The following UTRN variants were observed in gnomAD, a reference collection of about 807,000 sequenced individuals.
UTRN encodes the protein utrophin.
UTRN carries 283 observed loss-of-function variants against 463.9 expected under a neutral mutation model. That is an observed-to-expected ratio of 0.61 (90% confidence interval 0.55 to 0.67). The LOEUF is 0.67. Ranked by LOEUF, UTRN falls within the 30% of genes least tolerant of loss-of-function variation. The probability of loss-of-function intolerance (pLI) is 0.00; values close to 1 mark genes in which losing one functional copy is unlikely to be tolerated. For missense variants in UTRN, 3,922 were observed against 4,084.3 expected (o/e 0.96, Z 1.08); for synonymous variants, 1,442 against 1,431.5 (o/e 1.01, Z -0.17).
chr6:144,354,434 A>T (rs1778377632), intron 2 of UTRN, among the ~76,000 whole-genome samples: 1 of 152,224 alleles, frequency 6.6e-6, no homozygotes, highest in African/African-American at 2.4e-5. Flanking sequence ...TCTGTGCTGC[A>T]GCATCCAACC....
intron 50 of UTRN, among the ~76,000 whole-genome samples, chr6:144,563,193 T>A (rs948357739): frequency 1.3e-5 from 2 of 152,202 alleles, no homozygotes; most frequent in African/African-American, 4.8e-5. Context: ...ATATTGTGTA[T>A]AGTAAAGACT....
At chr6:144,637,471 G>A (rs757683235) in intron 51 of UTRN, among the ~76,000 whole-genome samples, 10 of 151,610 alleles carry the variant, frequency 6.6e-5, no homozygotes, top group African/African-American at 1.9e-4. Flanking sequence ...AATAATGCAC[G>A]TTTCTTGAAA....
At chr6:144,676,212 A>T (rs1219837923) in intron 51 of UTRN, among the ~76,000 whole-genome samples, 1 of 152,104 alleles carries the variant, frequency 6.6e-6, no homozygotes, top group Non-Finnish European at 1.5e-5. Context: ...AGGGAGACTG[A>T]CTTTCTTTGT....
chr6:144,597,744 A>G (rs1045015557), intron 51 of UTRN, among the ~76,000 whole-genome samples: 4 of 152,244 alleles, frequency 2.6e-5, no homozygotes, highest in Non-Finnish European at 5.9e-5. Flanking sequence ...TTTACTCATA[A>G]TAAGTCAATG....
At chr6:144,425,543 T>C (rs543791957) in intron 6 of UTRN, among the ~76,000 whole-genome samples, 2 of 152,344 alleles carry the variant, frequency 1.3e-5, no homozygotes, top group Non-Finnish European at 2.9e-5. Context: ...CTAATTTCAT[T>C]AATCCTTCTA....
At chr6:144,639,644 C>T (rs151179973) in intron 51 of UTRN, among the ~76,000 whole-genome samples, 1 of 152,192 alleles carries the variant, frequency 6.6e-6, no homozygotes, top group Admixed American at 6.5e-5. Context: ...TTCCTTTCCA[C>T]ACCCGATCAA....
intron 3 of UTRN, among the ~76,000 whole-genome samples, chr6:144,404,611 T>TG: frequency 6.6e-6 from 1 of 152,348 alleles, no homozygotes; most frequent in Non-Finnish European, 1.5e-5. Flanking sequence ...ATTTAGTCTT[T>TG]GGGGAAGAAT....
chr6:144,522,281 G>T, intron 40 of UTRN, 110 bp downstream of exon 40: 1 of 860,460 alleles, frequency 1.2e-6, no homozygotes, highest in Non-Finnish European at 1.6e-6. Context: ...ATTTGTGCCA[G>T]GGGATTAATA....
chr6:144,380,056 GAATA>G (rs1447916933), intron 2 of UTRN, among the ~76,000 whole-genome samples: 11 of 152,130 alleles, frequency 7.2e-5, no homozygotes, highest in Non-Finnish European at 1.5e-4. Flanking sequence ...AATGAAGAAT[GAATA>G]AATAAATGTC....
intron 61 of UTRN, among the ~76,000 whole-genome samples, chr6:144,786,711 G>T (rs982916011): frequency 6.6e-6 from 1 of 151,936 alleles, no homozygotes; most frequent in Non-Finnish European, 1.5e-5. Context: ...TCTGATTTTG[G>T]GTTTATCTTC....
At chr6:144,522,962 T>A (rs966888387) in intron 40 of UTRN, 54 bp from the exon 41 acceptor site, 61 of 1,328,302 alleles carry the variant, frequency 4.6e-5, no homozygotes, top group Non-Finnish European at 6.0e-5. Context: ...CATCTGTGAT[T>A]CCTTTTTTTG....
intron 3 of UTRN, 106 bp from the exon 4 acceptor site, chr6:144,421,772 C>A: frequency 1.5e-6 from 1 of 669,170 alleles, no homozygotes; most frequent in Non-Finnish European, 2.3e-6. Flanking sequence ...TCATCCACAA[C>A]ATTTTAATTG....
intron 52 of UTRN, among the ~76,000 whole-genome samples, chr6:144,686,675 G>A (rs937499098): frequency 6.6e-6 from 1 of 151,570 alleles, no homozygotes; most frequent in African/African-American, 2.4e-5. Flanking sequence ...AACTGTTGTT[G>A]CTTTTAAAGT....
At chr6:144,539,166 GTTTAT>G (rs1337214627) in intron 44 of UTRN, 123 bp from the exon 45 acceptor site, 1 of 1,092,672 alleles carries the variant, frequency 9.2e-7, no homozygotes, top group Non-Finnish European at 1.3e-6. Context: ...CTTCTTATAA[GTTTAT>G]TTTTTCACTT....
chr6:144,401,511 G>T (rs1269983484), intron 2 of UTRN, among the ~76,000 whole-genome samples: 1 of 152,084 alleles, frequency 6.6e-6, no homozygotes, highest in Non-Finnish European at 1.5e-5. Flanking sequence ...CTTGAAATAG[G>T]GATCGTTGCT....
At chr6:144,746,263 A>G (rs1209132182) in intron 54 of UTRN, among the ~76,000 whole-genome samples, 1 of 151,954 alleles carries the variant, frequency 6.6e-6, no homozygotes, top group Non-Finnish European at 1.5e-5. Flanking sequence ...TTGGCCTCCC[A>G]AAGTGCAGGA....
At chr6:144,376,651 G>C (rs977906831) in intron 2 of UTRN, among the ~76,000 whole-genome samples, 5 of 151,958 alleles carry the variant, frequency 3.3e-5, no homozygotes, top group Non-Finnish European at 7.4e-5. Context: ...AATTTTTCTA[G>C]AATGATTATT....
rs1163669252 is a variant in UTRN at position 144,286,926 on chromosome 6, T to C, written c.-93+1105T>C. Among the ~76,000 whole-genome samples the C allele has an allele frequency of 1.3e-5, 2 of 152,052 alleles. No individual in the cohort carries two copies. The highest frequency in any genetic ancestry group is 2.9e-5 in the Non-Finnish European group (2 of 68,002). On this transcript the variant is annotated intron_variant, in intron 1 of 74. Coordinates refer to ENST00000367545, the MANE Select transcript of UTRN (RefSeq NM_007124.3). The surrounding 1 kb of genome is among the most constrained non-coding windows in gnomAD (Gnocchi z 4.4). Reference sequence around the variant, plus strand: ...GATCACCAGGGCCTTGCGGGCCAGTTCCCCCTGCCGCGGTTGGGAGGGTCA... The same window carrying C: ...GATCACCAGGGCCTTGCGGGCCAGTCCCCCCTGCCGCGGTTGGGAGGGTCA...
chr6:144,552,778 A>T (rs1158199361), intron 48 of UTRN, among the ~76,000 whole-genome samples: 2 of 152,082 alleles, frequency 1.3e-5, no homozygotes, highest in Non-Finnish European at 2.9e-5. Context: ...AACCTGTGAT[A>T]TTTACTCTCG....
Sources: gnomAD v4.1 joint callset for allele counts (sites outside exome capture counted in the v4.1 genomes callset) on GRCh38, gnomAD v4.1.1 for gene constraint, Gnocchi (gnomAD v3.1) non-coding constraint, MANE v1.5 for transcripts, NCBI Gene and HGNC (gene_info 2026-07-23, HGNC 2026-07-21) for gene names.